The following CDH20 variants were observed in gnomAD, a reference collection of about 807,000 sequenced individuals.
CDH20 encodes cadherin 20.
CDH20 carries 29 observed loss-of-function variants against 74.2 expected under a neutral mutation model. The observed-to-expected ratio is 0.39, with a 90% confidence interval of 0.29 to 0.53. CDH20 has a LOEUF of 0.53. CDH20 is among the 20% of genes least tolerant of loss of function. The pLI, the probability that CDH20 is intolerant of heterozygous loss-of-function variation, is 0.69. For missense variants in CDH20, 988 were observed against 1,048.3 expected, an observed-to-expected ratio of 0.94 and a Z score of 0.79; for synonymous variants, 469 against 405.4, an observed-to-expected ratio of 1.16 and a Z score of -1.88.
chr18:61,404,566 A>G (rs1227820278), intron 1 of CDH20, among the ~76,000 whole-genome samples: 1 of 152,190 alleles, frequency 6.6e-6, no homozygotes, highest in East Asian at 1.9e-4. Flanking sequence ...AAAATGCTGC[A>G]TGAAATCTTG....
intron 1 of CDH20, among the ~76,000 whole-genome samples, chr18:61,361,293 T>A (rs908127244): frequency 3.5e-4 from 53 of 152,216 alleles, no homozygotes; most frequent in African/African-American, 1.3e-3. Flanking sequence ...TTGCTGTATG[T>A]GCTGTACACC....
intron 6 of CDH20, among the ~76,000 whole-genome samples, chr18:61,515,283 C>G (rs866782967): frequency 4.7e-4 from 71 of 152,156 alleles, no homozygotes; most frequent in African/African-American, 1.6e-3. Flanking sequence ...TCCGTCACCC[C>G]TTTCTTTGAC....
chr18:61,508,109 T>C (rs1310015854), intron 6 of CDH20, among the ~76,000 whole-genome samples: 2 of 152,368 alleles, frequency 1.3e-5, no homozygotes, highest in East Asian at 3.9e-4. Flanking sequence ...AGATAAGCTA[T>C]CAATTCTTTC....
At chr18:61,340,226 C>CTTTTTTTTTT (rs59628153) in intron 1 of CDH20, among the ~76,000 whole-genome samples, 4 of 119,746 alleles carry the variant, frequency 3.3e-5, no homozygotes, top group Admixed American at 1.8e-4. Context: ...CTTCAGCCTT[C>CTTTTTTTTTT]TTTTTTTTTT....
intron 1 of CDH20, among the ~76,000 whole-genome samples, chr18:61,390,425 G>A (rs559785828): frequency 1.3e-5 from 2 of 152,278 alleles, no homozygotes; most frequent in African/African-American, 4.8e-5. Flanking sequence ...ACGTAAAAAT[G>A]TAATTTAAGT....
intron 10 of CDH20, among the ~76,000 whole-genome samples, chr18:61,549,458 C>G (rs183050385): frequency 1.3e-5 from 2 of 152,326 alleles, no homozygotes; most frequent in East Asian, 3.9e-4. Context: ...GAGTTGGTGA[C>G]TGCATTTCAG....
At chr18:61,386,680 CA>C (rs1206571912) in intron 1 of CDH20, among the ~76,000 whole-genome samples, 1 of 152,014 alleles carries the variant, frequency 6.6e-6, no homozygotes, top group East Asian at 1.9e-4. Context: ...AGCTATTGAA[CA>C]ATAGAAGAAT....
intron 1 of CDH20, among the ~76,000 whole-genome samples, chr18:61,344,305 T>C (rs1336822285): frequency 6.6e-6 from 1 of 152,104 alleles, no homozygotes; most frequent in Non-Finnish European, 1.5e-5. Flanking sequence ...GGTACAAATA[T>C]CATCACCATT....
intron 1 of CDH20, among the ~76,000 whole-genome samples, chr18:61,438,381 T>TCC (rs1908907525): frequency 6.7e-6 from 1 of 148,744 alleles, no homozygotes; most frequent in Non-Finnish European, 1.5e-5. Context: ...AGGGTATAAC[T>TCC]CTCCCAAACA....
intron 1 of CDH20, among the ~76,000 whole-genome samples, chr18:61,363,276 G>A (rs1054824237): frequency 2.6e-5 from 4 of 152,154 alleles, no homozygotes; most frequent in African/African-American, 9.7e-5. Context: ...ATGGTATATT[G>A]TGCAGGTTGT....
chr18:61,427,624 T>C (rs1165149607), intron 1 of CDH20, among the ~76,000 whole-genome samples: 4 of 152,210 alleles, frequency 2.6e-5, no homozygotes, highest in Non-Finnish European at 4.4e-5. Context: ...TAAAATAAGA[T>C]TGCATGATTG....
chr18:61,511,432 C>T (rs1175668102), intron 6 of CDH20, among the ~76,000 whole-genome samples: 1 of 152,228 alleles, frequency 6.6e-6, no homozygotes, highest in East Asian at 1.9e-4. Context: ...GGTACTCCTG[C>T]CTCAGCCTCC....
intron 9 of CDH20, among the ~76,000 whole-genome samples, chr18:61,540,191 C>T (rs973651726): frequency 5.3e-5 from 8 of 152,148 alleles, no homozygotes; most frequent in Admixed American, 1.3e-4. Context: ...TACTGCCCTT[C>T]CCCACCCCAG....
intron 1 of CDH20, among the ~76,000 whole-genome samples, chr18:61,432,141 G>C (rs1193556991): frequency 6.6e-6 from 1 of 150,612 alleles, no homozygotes; most frequent in Non-Finnish European, 1.5e-5. Context: ...CCAGCTACTC[G>C]AGAGACTGAG....
At chr18:61,366,417 AGTT>A (rs2144145620) in intron 1 of CDH20, among the ~76,000 whole-genome samples, 1 of 152,302 alleles carries the variant, frequency 6.6e-6, no homozygotes, top group African/African-American at 2.4e-5. Context: ...TCAGTTACAT[AGTT>A]AAGAAAATTT....
At chr18:61,502,055 A>C (rs1453855528) in intron 4 of CDH20, among the ~76,000 whole-genome samples, 1 of 152,222 alleles carries the variant, frequency 6.6e-6, no homozygotes, top group African/African-American at 2.4e-5. Flanking sequence ...TATTGTTCCC[A>C]GTCCCTTCCA....
intron 1 of CDH20, among the ~76,000 whole-genome samples, chr18:61,407,939 T>C: frequency 6.6e-6 from 1 of 152,244 alleles, no homozygotes; most frequent in Non-Finnish European, 1.5e-5. Flanking sequence ...TGTAGCTTAG[T>C]TAATAGTATT....
Position 61,528,047 on chromosome 18 carries a change from C to T in CDH20, c.1098C>T (p.Asn366=). The change falls in exon 7 of 12, where the codon AAC becomes AAT. Residue 366 remains asparagine (N), a synonymous_variant. Transcript: ENST00000262717. The part of the protein sequence containing the change: ...ANPHLEMRFL[N]LGPFQDTTTV... ...CTCACCTAGAGATGCGTTTTCTGAACTTGGGCCCATTTCAGGACACAACAA... is the reference window on the plus strand; with the variant it reads ...CTCACCTAGAGATGCGTTTTCTGAATTTGGGCCCATTTCAGGACACAACAA... The T allele has an allele frequency of 6.2e-7, 1 of 1,614,136 alleles. No individual in the cohort carries two copies. Among genetic ancestry groups the T allele is most frequent in the South Asian group, 1.1e-5 (1 of 91,080 alleles).
At chr18:61,514,038 C>T (rs1266871660) in intron 6 of CDH20, among the ~76,000 whole-genome samples, 2 of 152,178 alleles carry the variant, frequency 1.3e-5, no homozygotes, top group East Asian at 1.9e-4. Context: ...TGAATCTGAA[C>T]ATTGGCCTGC....
Sources: allele counts gnomAD v4.1 joint callset (sites outside exome capture counted in the v4.1 genomes callset), GRCh38; gene constraint gnomAD v4.1.1; transcripts MANE v1.5; gene names NCBI Gene and HGNC (gene_info 2026-07-23, HGNC 2026-07-21).